Variants in OSBPL1A observed in about 807,000 individuals in gnomAD.
The protein encoded by OSBPL1A is oxysterol-binding protein-related protein 1.
Under a neutral mutation model 137.1 loss-of-function variants are expected in OSBPL1A, and 80 were observed. The ratio of observed to expected loss-of-function variants is 0.58; its 90% CI spans 0.49 to 0.70. OSBPL1A has a LOEUF of 0.70. Ranked by LOEUF, OSBPL1A falls within the 30% of genes least tolerant of loss-of-function variation. The pLI, the probability that OSBPL1A is intolerant of heterozygous loss-of-function variation, is 0.00. For synonymous variants in OSBPL1A, 365 were observed against 389.7 expected (o/e 0.94, Z 0.75); for missense variants, 970 against 1,129.4 (o/e 0.86, Z 2.02).
chr18:24,171,722 A>G (rs1420631031), intron 22 of OSBPL1A, among the ~76,000 whole-genome samples: 1 of 152,184 alleles, frequency 6.6e-6, no homozygotes, highest in Non-Finnish European at 1.5e-5. Flanking sequence ...CTAAGGTCAC[A>G]AAGTAGAATG....
At chr18:24,382,127 G>A (rs961135407) in intron 1 of OSBPL1A, among the ~76,000 whole-genome samples, 4 of 149,864 alleles carry the variant, frequency 2.7e-5, no homozygotes, top group African/African-American at 2.5e-5. Flanking sequence ...GAGGCTGGGC[G>A]CAGTGGCTCA....
intron 16 of OSBPL1A, 54 bp from the exon 17 acceptor site, chr18:24,225,252 G>A (rs989668980): frequency 5.0e-5 from 80 of 1,588,962 alleles, no homozygotes; most frequent in African/African-American, 3.6e-4. Flanking sequence ...TGAGGCTTCC[G>A]TAACAATGGA....
intron 16 of OSBPL1A, among the ~76,000 whole-genome samples, chr18:24,233,784 G>A (rs1157576713): frequency 6.6e-6 from 1 of 152,106 alleles, no homozygotes. Context: ...AAGTAGCTGG[G>A]ATTACAAGCA....
intron 22 of OSBPL1A, 72 bp downstream of exon 22, chr18:24,172,304 A>C: frequency 8.8e-7 from 1 of 1,134,106 alleles, no homozygotes; most frequent in South Asian, 1.3e-5. Flanking sequence ...CAAACAAAAC[A>C]AAAAAACTGA....
chr18:24,170,519 G>A (rs2086250882), intron 23 of OSBPL1A, 66 bp from the exon 24 acceptor site: 1 of 1,591,292 alleles, frequency 6.3e-7, no homozygotes, highest in East Asian at 2.2e-5. Flanking sequence ...GACAGCACCT[G>A]GTATTCCCAG....
At chr18:24,252,266 G>A (rs755157624) in intron 15 of OSBPL1A, among the ~76,000 whole-genome samples, 13 of 152,070 alleles carry the variant, frequency 8.5e-5, no homozygotes, top group African/African-American at 7.2e-5. Flanking sequence ...CGACCTCATG[G>A]CATCTAAGAA....
rs147898544 is a variant in OSBPL1A, at chr18:24,288,630, T to G, written c.1175-7682A>C. Among the ~76,000 whole-genome samples, 1,068 of 151,952 alleles carry G rather than the reference T, an allele frequency of 7.0e-3. 14 individuals are homozygous for G. Among genetic ancestry groups the G allele is most frequent in the African/African-American group, 0.025 (1,017 of 41,442 alleles). ...TAAAAATACAAAAATTAGCTGGGCA[T>G]GGTGGCACACGCCTGTAATCCCAGC... is the stretch of plus-strand genomic sequence containing the variant. On this transcript the variant is annotated intron_variant, in intron 14 of 27. Transcript: ENST00000319481.
intron 16 of OSBPL1A, among the ~76,000 whole-genome samples, chr18:24,238,194 G>T (rs1338775695): frequency 6.6e-6 from 1 of 151,982 alleles, no homozygotes; most frequent in Non-Finnish European, 1.5e-5. Flanking sequence ...TTCCTGTCCT[G>T]TTATGAATTT....
At chr18:24,241,726 C>G (rs2088700283) in intron 15 of OSBPL1A, among the ~76,000 whole-genome samples, 3 of 152,172 alleles carry the variant, frequency 2.0e-5, no homozygotes, top group Non-Finnish European at 2.9e-5. Flanking sequence ...GGCGATTCCT[C>G]AAGGATCTAG....
At chr18:24,196,866 G>C (rs780440619) in intron 17 of OSBPL1A, among the ~76,000 whole-genome samples, 1 of 152,286 alleles carries the variant, frequency 6.6e-6, no homozygotes, top group Admixed American at 6.5e-5. Flanking sequence ...GTAGGTGTTC[G>C]AAAGTAGCCA....
chr18:24,246,885 G>A (rs982752960), intron 15 of OSBPL1A, among the ~76,000 whole-genome samples: 1 of 151,564 alleles, frequency 6.6e-6, no homozygotes, highest in Non-Finnish European at 1.5e-5. Context: ...ATGAGAAGTG[G>A]TCAGATTCTG....
chr18:24,269,622 T>C (rs999699877), intron 15 of OSBPL1A, among the ~76,000 whole-genome samples: 1 of 152,162 alleles, frequency 6.6e-6, no homozygotes, highest in Non-Finnish European at 1.5e-5. Context: ...TAAAAATGTA[T>C]AGGGGTTACA....
At chr18:24,317,039 G>T in intron 11 of OSBPL1A, 110 bp downstream of exon 11, 1 of 1,072,072 alleles carries the variant, frequency 9.3e-7, no homozygotes, top group Non-Finnish European at 1.4e-6. Context: ...GTTTTCTACA[G>T]CATTCCACAG....
At position 24,235,862 on chromosome 18, in the gene OSBPL1A, G is replaced by A. The variant is rs936176362; in HGVS notation, c.1444+3358C>T. On this transcript the variant is annotated intron_variant, in intron 16 of 27. Coordinates refer to ENST00000319481, the MANE Select transcript of OSBPL1A (RefSeq NM_080597.4). ...GACTTTGCAGATATGATTAAGTTAC[G>A]TATATTGAGATGGGGAGATTATACT... 1.6e-4 allele frequency among the ~76,000 whole-genome samples: 24 copies of A among 152,274 alleles called. 1 individual carries two copies. The highest frequency in any genetic ancestry group is 1.2e-3 in the South Asian group (6 of 4,822).
intron 5 of OSBPL1A, among the ~76,000 whole-genome samples, chr18:24,337,870 C>T (rs77017467): frequency 0.049 from 7,397 of 151,498 alleles, 524 homozygotes; most frequent in African/African-American, 0.16. Flanking sequence ...TACTGAAGTA[C>T]TTAGGGGTGA....
chr18:24,347,328 C>G (rs757485146), intron 4 of OSBPL1A, among the ~76,000 whole-genome samples: 4 of 152,090 alleles, frequency 2.6e-5, no homozygotes, highest in Admixed American at 1.3e-4. Flanking sequence ...GGATTACAGG[C>G]GCCCGCCACC....
At chr18:24,262,328 T>G (rs749802571) in intron 15 of OSBPL1A, among the ~76,000 whole-genome samples, 1 of 152,180 alleles carries the variant, frequency 6.6e-6, no homozygotes, top group South Asian at 2.1e-4. Context: ...GACCTAAAAA[T>G]AGCTTGCTCT....
intron 7 of OSBPL1A, among the ~76,000 whole-genome samples, chr18:24,332,443 T>C (rs561361890): frequency 7.0e-6 from 1 of 143,834 alleles, no homozygotes; most frequent in East Asian, 2.1e-4. Context: ...TGAAGTGCTG[T>C]CTAATGTACC....
intron 5 of OSBPL1A, among the ~76,000 whole-genome samples, chr18:24,335,237 T>C (rs1340291057): frequency 6.6e-6 from 1 of 152,202 alleles, no homozygotes; most frequent in African/African-American, 2.4e-5. Context: ...CCAAGTGCTA[T>C]TCAAAGCTCC....
Sources: allele counts gnomAD v4.1 joint callset (sites outside exome capture counted in the v4.1 genomes callset), GRCh38; gene constraint gnomAD v4.1.1; transcripts MANE v1.5; gene names NCBI Gene and HGNC (gene_info 2026-07-23, HGNC 2026-07-21).